HOMER2: variants seen among roughly 807,000 people sequenced by gnomAD.
HOMER2 encodes homer scaffold protein 2, also known as homer protein homolog 2.
Under a neutral mutation model 47.0 loss-of-function variants are expected in HOMER2, and 27 were observed. That is an observed-to-expected ratio of 0.57 (90% CI 0.42 to 0.79). HOMER2 has a LOEUF of 0.79. Among genes scored for constraint, HOMER2 ranks in the 30% least tolerant of loss-of-function variants. HOMER2 has a pLI of 0.00. For synonymous variants in HOMER2, 161 were observed against 163.8 expected, an observed-to-expected ratio of 0.98 and a Z score of 0.13; for missense variants, 443 against 435.0, an observed-to-expected ratio of 1.02 and a Z score of -0.16.
intron 1 of HOMER2, among the ~76,000 whole-genome samples, chr15:82,948,218 C>T (rs1169357917): frequency 6.6e-5 from 10 of 152,128 alleles, no homozygotes; most frequent in African/African-American, 1.9e-4. Context: ...GATGAAACCC[C>T]GTCTCTACTA....
chr15:82,860,863 G>A (rs1322379581), intron 4 of HOMER2, among the ~76,000 whole-genome samples: 3 of 151,702 alleles, frequency 2.0e-5, no homozygotes, highest in African/African-American at 7.3e-5. Flanking sequence ...CTTGAACCTG[G>A]GTGGCAGAGG....
intron 1 of HOMER2, among the ~76,000 whole-genome samples, chr15:82,979,280 G>A (rs963097019): frequency 3.3e-5 from 5 of 152,150 alleles, no homozygotes; most frequent in Admixed American, 6.5e-5. Context: ...AGACTGGACC[G>A]ATAAGACAGA....
At chr15:82,853,974 C>A (rs910177285) in intron 6 of HOMER2, among the ~76,000 whole-genome samples, 2 of 152,170 alleles carry the variant, frequency 1.3e-5, no homozygotes, top group Admixed American at 6.5e-5. Context: ...TCTCACCTAC[C>A]CTCTGGGTCC....
At chr15:82,940,833 A>G (rs1025546682) in intron 1 of HOMER2, among the ~76,000 whole-genome samples, 1 of 151,972 alleles carries the variant, frequency 6.6e-6, no homozygotes, top group Non-Finnish European at 1.5e-5. Flanking sequence ...TTGAGGCTGC[A>G]GTGAGCTATG....
intron 1 of HOMER2, among the ~76,000 whole-genome samples, chr15:82,928,287 A>G (rs1387335951): frequency 1.3e-5 from 2 of 152,228 alleles, no homozygotes; most frequent in Non-Finnish European, 2.9e-5. Flanking sequence ...AACCCCAAGC[A>G]CAAAACATTG....
intron 1 of HOMER2, among the ~76,000 whole-genome samples, chr15:82,972,309 T>C (rs1477180226): frequency 6.6e-6 from 1 of 152,230 alleles, no homozygotes; most frequent in Non-Finnish European, 1.5e-5. Flanking sequence ...CACCTCTACC[T>C]GAAGGTGGGG....
At chr15:82,940,890 T>A (rs1270573983) in intron 1 of HOMER2, among the ~76,000 whole-genome samples, 1 of 151,032 alleles carries the variant, frequency 6.6e-6, no homozygotes, top group Non-Finnish European at 1.5e-5. Flanking sequence ...AGCAAGACCC[T>A]GTTCCAAAAA....
At chr15:82,835,033 A>G (rs888132326), downstream of HOMER2, 1 of 152,208 alleles carries the variant, frequency 6.6e-6, no homozygotes, top group African/African-American at 2.4e-5. Context: ...CACTCTGGTG[A>G]TATTACTCCT....
exon 2 of HOMER2, chr15:82,840,960 A>T (rs1167751654): frequency 6.6e-6 from 1 of 152,084 alleles, no homozygotes; most frequent in Non-Finnish European, 1.5e-5. Flanking sequence ...GTTCTTTTTA[A>T]TTTTTTTAAG....
intron 2 of HOMER2, among the ~76,000 whole-genome samples, chr15:82,877,898 GC>G (rs1374808666): frequency 3.3e-5 from 5 of 152,120 alleles, no homozygotes; most frequent in African/African-American, 1.2e-4. Flanking sequence ...GTAGGGGAAA[GC>G]TATGGGACCT....
At chr15:82,937,725 G>A (rs1228155742) in intron 1 of HOMER2, among the ~76,000 whole-genome samples, 1 of 152,214 alleles carries the variant, frequency 6.6e-6, no homozygotes, top group East Asian at 1.9e-4. Flanking sequence ...AATGGAGACA[G>A]AGCAGGCTCC....
At chr15:82,853,218 C>T (rs987921975) in intron 6 of HOMER2, among the ~76,000 whole-genome samples, 5 of 152,218 alleles carry the variant, frequency 3.3e-5, no homozygotes, top group Admixed American at 6.5e-5. Flanking sequence ...GAGGTCGACA[C>T]GCCTCCAAGG....
intron 2 of HOMER2, among the ~76,000 whole-genome samples, chr15:82,890,177 A>G (rs2052661250): frequency 6.6e-6 from 1 of 152,168 alleles, no homozygotes; most frequent in Non-Finnish European, 1.5e-5. Context: ...ACCTGTCTCT[A>G]TCAAAAATAT....
At chr15:82,949,673 G>A (rs1162024977) in intron 1 of HOMER2, among the ~76,000 whole-genome samples, 1 of 152,184 alleles carries the variant, frequency 6.6e-6, no homozygotes, top group Non-Finnish European at 1.5e-5. Flanking sequence ...AAACAGGAGA[G>A]GGATGTAGGA....
At chr15:82,930,432 T>C (rs1315299762) in intron 1 of HOMER2, among the ~76,000 whole-genome samples, 1 of 152,122 alleles carries the variant, frequency 6.6e-6, no homozygotes, top group Non-Finnish European at 1.5e-5. Flanking sequence ...TCCGGTGCAA[T>C]CACAGAGTGC....
At chr15:82,882,452 T>C (rs1251911411) in intron 2 of HOMER2, among the ~76,000 whole-genome samples, 1 of 152,182 alleles carries the variant, frequency 6.6e-6, no homozygotes, top group Admixed American at 6.5e-5. Context: ...CTGACATGGA[T>C]CCACATAATC....
chr15:82,922,938 C>T (rs2053768267), intron 1 of HOMER2, among the ~76,000 whole-genome samples: 1 of 152,136 alleles, frequency 6.6e-6, no homozygotes, highest in Non-Finnish European at 1.5e-5. Context: ...CACACCACCC[C>T]CAGGTCAGAA....
chr15:82,852,868 C>T (rs2051444070), intron 6 of HOMER2: 1 of 152,494 alleles, frequency 6.6e-6, no homozygotes, highest in Non-Finnish European at 1.5e-5. Context: ...CCCTACACCG[C>T]ATCTTTCCCT....
intron 3 of HOMER2, among the ~76,000 whole-genome samples, chr15:82,867,898 G>A (rs1206926493): frequency 6.6e-6 from 1 of 152,106 alleles, no homozygotes; most frequent in East Asian, 1.9e-4. Flanking sequence ...GGCCCTAGGA[G>A]AATGATAGAG....
Sources: gnomAD v4.1 joint callset for allele counts (sites outside exome capture counted in the v4.1 genomes callset) on GRCh38, gnomAD v4.1.1 for gene constraint, MANE v1.5 for transcripts, NCBI Gene and HGNC (gene_info 2026-07-23, HGNC 2026-07-21) for gene names.